FNBP1: variants seen among roughly 807,000 people sequenced by gnomAD.
The protein encoded by FNBP1 is formin binding protein 1, also known as formin-binding protein 1.
A neutral mutation model predicts 90.6 loss-of-function variants in FNBP1; 26 were observed. That is an observed-to-expected ratio of 0.29 (90% confidence interval 0.21 to 0.40). The LOEUF (loss-of-function observed/expected upper bound fraction) is 0.40, where lower values mean the gene tolerates loss of function less well. FNBP1 is among the 10% of genes least tolerant of loss of function. The probability of loss-of-function intolerance (pLI) is 1.00; values close to 1 mark genes in which losing one functional copy is unlikely to be tolerated. For synonymous variants in FNBP1, 260 were observed against 265.2 expected (o/e 0.98, Z 0.19); for missense variants, 635 against 768.0 (o/e 0.83, Z 2.05).
At chr9:129,964,573 C>A (rs2048293611) in intron 4 of FNBP1, among the ~76,000 whole-genome samples, 1 of 150,742 alleles carries the variant, frequency 6.6e-6, no homozygotes. Context: ...AGAAATTTCC[C>A]AGTGAACAGA....
intron 10 of FNBP1, among the ~76,000 whole-genome samples, chr9:129,921,484 C>A (rs2041097382): frequency 6.6e-6 from 1 of 151,914 alleles, no homozygotes; most frequent in African/African-American, 2.4e-5. Flanking sequence ...ACCTCCACTT[C>A]CCAGGTCCAA....
At chr9:130,035,684 T>C (rs1047367496) in intron 1 of FNBP1, among the ~76,000 whole-genome samples, 1 of 152,202 alleles carries the variant, frequency 6.6e-6, no homozygotes, top group East Asian at 1.9e-4. Flanking sequence ...CGGTGGCTCA[T>C]GCCTGTAATC....
chr9:129,932,897 C>T (rs563189591), intron 6 of FNBP1, among the ~76,000 whole-genome samples: 210 of 152,048 alleles, frequency 1.4e-3, no homozygotes, highest in Non-Finnish European at 2.6e-3. Flanking sequence ...TCCCCGAGCC[C>T]GTCCAGCACA....
At chr9:129,936,380 C>G (rs566339154) in intron 6 of FNBP1, 1 of 152,238 alleles carries the variant, frequency 6.6e-6, no homozygotes, top group East Asian at 1.9e-4. Context: ...GAGCAGCAAC[C>G]TGCAGCAGCT....
rs2042422452 is a variant in FNBP1 at position 129,929,606 on chromosome 9, C to T, written c.603G>A (p.Gln201=). 6.2e-7 allele frequency: 1 copy of T among 1,613,428 alleles called. No homozygotes were observed. The highest frequency in any genetic ancestry group is 1.7e-5 in the Admixed American group (1 of 59,982). ...GGATGTGAGTATGGTAATATTCATGCTGCTCATGGTTGAATTTCTGGAGAA... is the reference window on the plus strand; with the variant it reads ...GGATGTGAGTATGGTAATATTCATGTTGCTCATGGTTGAATTTCTGGAGAA... The part of the protein sequence containing the change: ...SSILQKFNHE[Q]HEYYHTHIPN... The change falls in exon 7 of 17, where the codon CAG becomes CAA. Residue 201 remains glutamine (Q), a synonymous_variant. Coordinates refer to ENST00000446176, the MANE Select transcript of FNBP1 (RefSeq NM_015033.3).
chr9:129,902,692 AG>A (rs2037186767), intron 13 of FNBP1, among the ~76,000 whole-genome samples, 176 bp downstream of exon 13: 1 of 152,190 alleles, frequency 6.6e-6, no homozygotes, highest in Non-Finnish European at 1.5e-5. Context: ...TATGATGAGT[AG>A]GAGAATGTTC....
chr9:129,981,847 C>A (rs1462614564), intron 2 of FNBP1, among the ~76,000 whole-genome samples: 1 of 151,850 alleles, frequency 6.6e-6, no homozygotes, highest in Non-Finnish European at 1.5e-5. Flanking sequence ...TGCAATTATT[C>A]AAAAAATGGA....
At chr9:130,037,512 AT>A (rs1036129019) in intron 1 of FNBP1, among the ~76,000 whole-genome samples, 7 of 152,170 alleles carry the variant, frequency 4.6e-5, no homozygotes, top group African/African-American at 1.4e-4. Context: ...CTAGTTTAAA[AT>A]TTCGACACAC....
chr9:130,034,727 TGA>T (rs1350031754), intron 1 of FNBP1, among the ~76,000 whole-genome samples: 2 of 152,196 alleles, frequency 1.3e-5, no homozygotes, highest in Admixed American at 1.3e-4. Flanking sequence ...TTTAGTGGTG[TGA>T]GTCATTGATT....
intron 1 of FNBP1, among the ~76,000 whole-genome samples, chr9:130,008,643 C>T (rs1589234855): frequency 6.6e-6 from 1 of 152,232 alleles, no homozygotes; most frequent in Non-Finnish European, 1.5e-5. Flanking sequence ...TGGCTTCAAC[C>T]TGAAAACGGA....
At chr9:130,011,927 G>A (rs796963649) in intron 1 of FNBP1, among the ~76,000 whole-genome samples, 6 of 152,264 alleles carry the variant, frequency 3.9e-5, no homozygotes, top group African/African-American at 1.4e-4. Context: ...AAATCAAGAT[G>A]CAAAGGTCAA....
At position 130,042,082 on chromosome 9, in the gene FNBP1, G is replaced by C. The variant is rs1328870887; in HGVS notation, c.24+870C>G. Among the ~76,000 whole-genome samples, 1 of 151,962 alleles carries C rather than the reference G, an allele frequency of 6.6e-6. No homozygotes were observed. The highest frequency in any genetic ancestry group is 1.5e-5 in the Non-Finnish European group (1 of 67,972). On this transcript the variant is annotated intron_variant, in intron 1 of 16. Transcript: ENST00000446176. This position sits in a 1 kb window ranked among gnomAD's most constrained non-coding sequence, Gnocchi z 5.5. ...GGAATCCGGGGACGGCAGGAAAAGA[G>C]CTCCATCCACAGCCAGCCCCTCGCC... is the stretch of plus-strand genomic sequence containing the variant.
At chr9:129,914,462 A>G (rs2131657920) in intron 11 of FNBP1, among the ~76,000 whole-genome samples, 1 of 152,074 alleles carries the variant, frequency 6.6e-6, no homozygotes, top group African/African-American at 2.4e-5. Context: ...TGCTCCTAGC[A>G]CCCAGACAAA....
intron 11 of FNBP1, among the ~76,000 whole-genome samples, chr9:129,913,758 G>A (rs1344847442): frequency 6.6e-6 from 1 of 151,984 alleles, no homozygotes; most frequent in East Asian, 1.9e-4. Flanking sequence ...GGGACAGAGC[G>A]AGACTCTGTC....
At chr9:130,016,609 G>A (rs561312283) in intron 1 of FNBP1, among the ~76,000 whole-genome samples, 2 of 152,242 alleles carry the variant, frequency 1.3e-5, no homozygotes, top group South Asian at 4.1e-4. Flanking sequence ...TGGGCGTGGT[G>A]GTGCACGCCT....
chr9:129,950,967 ATTTTTTTT>A (rs56088978), intron 6 of FNBP1, among the ~76,000 whole-genome samples: 1 of 98,466 alleles, frequency 1.0e-5, no homozygotes, highest in Admixed American at 1.1e-4. Context: ...CTAATTTTTA[ATTTTTTTT>A]TTTTTTTTTT....
chr9:129,892,276 A>G (rs2035174263), intron 16 of FNBP1, among the ~76,000 whole-genome samples: 1 of 152,092 alleles, frequency 6.6e-6, no homozygotes, highest in Admixed American at 6.6e-5. Flanking sequence ...GAAGAACCAA[A>G]AAACCACAAA....
rs148552782 is a variant in FNBP1, at chr9:129,957,025, C to A, written c.513+335G>T. Reference sequence around the variant, plus strand: ...ACTCACAGGGGAAATGAAAGACACACTTGAGCTTTCTTTTGTCTTTTTTTT... The same window carrying A: ...ACTCACAGGGGAAATGAAAGACACAATTGAGCTTTCTTTTGTCTTTTTTTT... On this transcript the variant is annotated intron_variant, in intron 6 of 16. Coordinates refer to ENST00000446176, the MANE Select transcript of FNBP1 (RefSeq NM_015033.3). This position sits in a 1 kb window ranked among gnomAD's most constrained non-coding sequence, Gnocchi z 4.3. Among the ~76,000 whole-genome samples, 2 of 137,584 alleles carry A rather than the reference C, an allele frequency of 1.5e-5. No individual in the cohort carries two copies. The highest frequency in any genetic ancestry group is 4.4e-4 in the East Asian group (2 of 4,564). The allele number at this position is 137,584 out of a possible 152,430, so 90.3% of individuals were successfully genotyped here.
chr9:129,961,483 G>A (rs2047808861), intron 4 of FNBP1, among the ~76,000 whole-genome samples: 1 of 152,176 alleles, frequency 6.6e-6, no homozygotes, highest in Non-Finnish European at 1.5e-5. Flanking sequence ...CCCAAGGAAG[G>A]AAGTGCTAGA....
Sources: gnomAD v4.1 joint callset for allele counts (sites outside exome capture counted in the v4.1 genomes callset) on GRCh38, gnomAD v4.1.1 for gene constraint, Gnocchi (gnomAD v3.1) non-coding constraint, MANE v1.5 for transcripts, NCBI Gene and HGNC (gene_info 2026-07-23, HGNC 2026-07-21) for gene names.